GPHN: variants seen among roughly 807,000 people sequenced by gnomAD.
The protein encoded by GPHN is gephyrin.
GPHN carries 17 observed loss-of-function variants against 95.5 expected under a neutral mutation model. The observed-to-expected ratio is 0.18, with a 90% CI of 0.12 to 0.27. The LOEUF (loss-of-function observed/expected upper bound fraction) is 0.27, where lower values mean the gene tolerates loss of function less well. Among genes scored for constraint, GPHN ranks in the 10% least tolerant of loss-of-function variants. GPHN has a pLI of 1.00. For missense variants in GPHN, 660 were observed against 978.1 expected (o/e 0.67, Z 4.34); for synonymous variants, 320 against 322.5 (o/e 0.99, Z 0.08).
At chr14:67,342,201 TAAATA>T in the GPHN span, among the ~76,000 whole-genome samples, 1 of 139,696 alleles carries the variant, frequency 7.2e-6, no homozygotes, top group Non-Finnish European at 1.5e-5. Flanking sequence ...AATAAATAAA[TAAATA>T]AATAAATAAA....
chr14:66,523,303 G>A (rs947014137), intron 1 of GPHN, among the ~76,000 whole-genome samples: 2 of 152,022 alleles, frequency 1.3e-5, no homozygotes, highest in African/African-American at 4.8e-5. Flanking sequence ...ATGAACTTAA[G>A]TGTAATGACA....
chr14:66,961,740 TA>T (rs1231003577), intron 8 of GPHN, among the ~76,000 whole-genome samples: 3 of 151,034 alleles, frequency 2.0e-5, no homozygotes, highest in Non-Finnish European at 4.4e-5. Context: ...CAAATTTTTT[TA>T]AATGAATAAT....
chr14:67,255,362 A>C, the GPHN span, among the ~76,000 whole-genome samples: 1 of 152,218 alleles, frequency 6.6e-6, no homozygotes, highest in Non-Finnish European at 1.5e-5. Context: ...AAATGTAATC[A>C]GAATCATGAA....
chr14:66,657,177 A>G (rs887592196), intron 1 of GPHN, among the ~76,000 whole-genome samples: 3 of 152,214 alleles, frequency 2.0e-5, no homozygotes, highest in Non-Finnish European at 4.4e-5. Context: ...ACTAGCCACA[A>G]AATTTTCTTC....
intron 1 of GPHN, among the ~76,000 whole-genome samples, chr14:66,649,143 G>T (rs997461910): frequency 6.6e-6 from 1 of 152,144 alleles, no homozygotes; most frequent in African/African-American, 2.4e-5. Flanking sequence ...ACCAGCCTAG[G>T]CAACATGGTG....
the GPHN span, among the ~76,000 whole-genome samples, chr14:67,614,707 A>G: frequency 6.6e-6 from 1 of 152,114 alleles, no homozygotes; most frequent in African/African-American, 2.4e-5. Context: ...GGTTGCTGTG[A>G]GCTATGATTG....
At chr14:67,435,548 G>A in the GPHN span, among the ~76,000 whole-genome samples, 1 of 152,354 alleles carries the variant, frequency 6.6e-6, no homozygotes, top group African/African-American at 2.4e-5. Context: ...TCATTGGAGT[G>A]TTGTAACACT....
intron 1 of GPHN, among the ~76,000 whole-genome samples, chr14:66,554,193 A>G (rs1410224349): frequency 6.6e-6 from 1 of 152,144 alleles, no homozygotes; most frequent in African/African-American, 2.4e-5. Context: ...GCCAGGATGC[A>G]TATGTGATCA....
chr14:67,108,748 T>TGTGG (rs1555492948), intron 13 of GPHN, among the ~76,000 whole-genome samples: 20 of 151,598 alleles, frequency 1.3e-4, no homozygotes, highest in South Asian at 4.2e-4. Flanking sequence ...TGTGTGTGTG[T>TGTGG]GTGTGGTTTA....
At chr14:66,746,661 G>A (rs1266409051) in intron 2 of GPHN, among the ~76,000 whole-genome samples, 1 of 151,440 alleles carries the variant, frequency 6.6e-6, no homozygotes, top group Non-Finnish European at 1.5e-5. Context: ...CTTCCCTTGG[G>A]GCTGTTTTTT....
intron 2 of GPHN, among the ~76,000 whole-genome samples, chr14:66,682,251 C>T (rs909453995): frequency 1.2e-4 from 19 of 152,072 alleles, no homozygotes; most frequent in Admixed American, 6.6e-5. Flanking sequence ...TGCAAATATT[C>T]CTCCTCCTTG....
the GPHN span, among the ~76,000 whole-genome samples, chr14:67,233,721 G>A: frequency 6.6e-6 from 1 of 152,176 alleles, no homozygotes; most frequent in Non-Finnish European, 1.5e-5. Context: ...GGGGAGAAGT[G>A]GTTAGATTCT....
At chr14:66,723,554 T>C (rs2070948984) in intron 2 of GPHN, among the ~76,000 whole-genome samples, 1 of 152,006 alleles carries the variant, frequency 6.6e-6, no homozygotes, top group African/African-American at 2.4e-5. Flanking sequence ...GAAGCAAAAA[T>C]CCTAATAAAC....
intron 12 of GPHN, among the ~76,000 whole-genome samples, chr14:67,099,816 A>G (rs763616138): frequency 2.6e-4 from 39 of 152,258 alleles, no homozygotes; most frequent in Admixed American, 8.5e-4. Flanking sequence ...CATTATTAGT[A>G]TGATTATAAA....
At chr14:67,347,746 C>T in the GPHN span, among the ~76,000 whole-genome samples, 4 of 151,832 alleles carry the variant, frequency 2.6e-5, no homozygotes, top group African/African-American at 9.7e-5. Context: ...GTGATCCACC[C>T]GCCTAAACCT....
chr14:67,317,304 A>C, the GPHN span: 2 of 1,080,222 alleles, frequency 1.9e-6, no homozygotes, highest in Non-Finnish European at 2.6e-6. Flanking sequence ...TTCTGCAAAA[A>C]AATTTAAAGA....
At chr14:67,208,239 A>C in the GPHN span, 5 of 1,614,050 alleles carry the variant, frequency 3.1e-6, no homozygotes, top group Non-Finnish European at 4.2e-6. Flanking sequence ...GGGTGTTTAC[A>C]AGATACAAAA....
chr14:66,725,164 C>T (rs2071105186), intron 2 of GPHN, among the ~76,000 whole-genome samples: 1 of 152,128 alleles, frequency 6.6e-6, no homozygotes, highest in Admixed American at 6.5e-5. Context: ...AGGAAGAAAG[C>T]CCTCATCAAA....
chr14:67,084,870 C>T (rs2076825157), intron 11 of GPHN, among the ~76,000 whole-genome samples: 1 of 152,138 alleles, frequency 6.6e-6, no homozygotes, highest in African/African-American at 2.4e-5. Flanking sequence ...TAGAAAAAGC[C>T]CAGAATGTTT....
Sources: gnomAD v4.1 joint callset for allele counts (sites outside exome capture counted in the v4.1 genomes callset) on GRCh38, gnomAD v4.1.1 for gene constraint, MANE v1.5 for transcripts, NCBI Gene and HGNC (gene_info 2026-07-23, HGNC 2026-07-21) for gene names.